Variants in MIEF1 observed in about 807,000 individuals in gnomAD.
MIEF1 encodes the protein mitochondrial dynamics protein MIEF1.
In MIEF1, 14 loss-of-function variants were observed where a neutral mutation model predicts 35.1. The ratio of observed to expected loss-of-function variants is 0.40; its 90% CI spans 0.26 to 0.62. The LOEUF (loss-of-function observed/expected upper bound fraction) is 0.62. Ranked by LOEUF, MIEF1 falls within the 20% of genes least tolerant of loss-of-function variation. The pLI is 0.43. For missense variants in MIEF1, 542 were observed against 615.4 expected (o/e 0.88, Z 1.26); for synonymous variants, 245 against 254.3 (o/e 0.96, Z 0.35).
At position 39,515,077 on chromosome 22, in the gene MIEF1, C is replaced by G; in HGVS notation, c.*754C>G. On this transcript the variant is annotated 3_prime_UTR_variant, in exon 6 of 6. Coordinates refer to ENST00000325301, the MANE Select transcript of MIEF1 (RefSeq NM_019008.6). ...AGAAGTGCAGAGTAGGGAACCAGAG[C>G]TGGTTAAGGGCCTAGTGAAGGGTTT... 1.7e-6 allele frequency: 1 copy of G among 593,634 alleles called. No individual in the cohort carries two copies. The highest frequency in any genetic ancestry group is 4.3e-4 in the Middle Eastern group (1 of 2,316). 36.8% of individuals were successfully genotyped at this position (593,634 alleles called of 1,614,324 possible).
At position 39,513,592 on chromosome 22, in the gene MIEF1, G is replaced by A; in HGVS notation, c.661G>A (p.Glu221Lys). 1.2e-6 allele frequency: 2 copies of A among 1,614,220 alleles called. No individual in the cohort carries two copies. Among genetic ancestry groups the A allele is most frequent in the Non-Finnish European group, 1.7e-6 (2 of 1,180,028 alleles). The part of the protein sequence containing the change: ...EQNLWSCIPG[E>K]DTIMNVPGFF... ...GAACCTGTGGTCATGTATTCCTGGT[G>A]AAGACACCATCATGAATGTCCCTGG... Residue 221 changes from glutamate to lysine, a missense_variant, in exon 6 of 6, where the codon GAA becomes AAA. Transcript: ENST00000325301.
chr22:39,505,777 C>T (rs1929984256), intron 2 of MIEF1, among the ~76,000 whole-genome samples: 1 of 140,838 alleles, frequency 7.1e-6, no homozygotes, highest in Non-Finnish European at 1.5e-5. Context: ...ATTGAGGGAC[C>T]GAGGGGTGGG....
In MIEF1 at chr22:39,513,895, G is replaced by A; in HGVS notation, c.964G>A (p.Val322Ile). The A allele has an allele frequency of 1.2e-6, 2 of 1,614,152 alleles. No homozygotes were observed. The highest frequency in any genetic ancestry group is 1.7e-6 in the Non-Finnish European group (2 of 1,180,044). Residue 322 changes from valine (V) to isoleucine (I), a missense_variant, in exon 6 of 6, where the codon GTC (valine) becomes ATC (isoleucine). Physicochemically the swap from Val to Ile is conservative, Grantham distance 29. Transcript: ENST00000325301. The stretch of plus-strand genomic sequence containing the variant: ...GCCATCAGTGACCCTCGGTGACACA[G>A]TCTTGGTGGCCAAACCACACCGGCT... ...FLPSVTLGDT[V>I]LVAKPHRLAQ...
chr22:39,514,604 T>C lies in MIEF1; in HGVS notation c.*281T>C. 2 of 468,646 alleles carry C rather than the reference T, an allele frequency of 4.3e-6. No homozygotes were observed. The highest frequency in any genetic ancestry group is 7.7e-6 in the Non-Finnish European group (2 of 259,804). The allele number at this position is 468,646 out of a possible 1,614,324, so 29.0% of individuals were successfully genotyped here. ...GAGAAGGTGGCGTGCTGGCCTGAGCTGATGGACCACTTGGTGTTTTGCGTT... is the reference window on the plus strand; with the variant it reads ...GAGAAGGTGGCGTGCTGGCCTGAGCCGATGGACCACTTGGTGTTTTGCGTT... On this transcript the variant is annotated 3_prime_UTR_variant, in exon 6 of 6. Coordinates refer to ENST00000325301, the MANE Select transcript of MIEF1 (RefSeq NM_019008.6).
At chr22:39,502,886 G>T (rs1423024383) in intron 1 of MIEF1, among the ~76,000 whole-genome samples, 1 of 152,240 alleles carries the variant, frequency 6.6e-6, no homozygotes, top group African/African-American at 2.4e-5. Flanking sequence ...AGGGATGGTG[G>T]CTTGCTCAAG....
chr22:39,505,438 C>T (rs561142044), intron 2 of MIEF1, among the ~76,000 whole-genome samples: 25 of 152,262 alleles, frequency 1.6e-4, no homozygotes, highest in African/African-American at 4.8e-4. Flanking sequence ...GCGATCCTCC[C>T]ACCCTTGCCT....
At position 39,511,366 on chromosome 22, in the gene MIEF1, C is replaced by T; in HGVS notation, c.72C>T (p.Leu24=). Residue 24 remains leucine (L), a synonymous_variant, in exon 3 of 6, where the codon CTC becomes CTT. Coordinates refer to ENST00000325301, the MANE Select transcript of MIEF1 (RefSeq NM_019008.6). The part of the protein sequence containing the change: ...NGIGTAIDFV[L]SNARLVLGVG... ...TTGGCACGGCCATTGACTTTGTGCT[C>T]TCCAATGCCCGGCTGGTGCTGGGGG... 5 of 1,612,760 alleles carry T rather than the reference C, an allele frequency of 3.1e-6. No individual in the cohort carries two copies. The South Asian group carries it at 5.5e-5, about 18-fold the overall frequency.
At position 39,513,822 on chromosome 22, in the gene MIEF1, A is replaced by G; in HGVS notation, c.891A>G (p.Thr297=). Residue 297 remains threonine (T), a synonymous_variant, in exon 6 of 6, where the codon ACA becomes ACG. Transcript: ENST00000325301. The part of the protein sequence containing the change: ...IRPAPPPEAL[T]LEVQYERDKH... Reference sequence around the variant, plus strand: ...CGGCCCCACCCCCAGAAGCCCTCACACTGGAGGTGCAGTATGAGCGTGACA... The same window carrying G: ...CGGCCCCACCCCCAGAAGCCCTCACGCTGGAGGTGCAGTATGAGCGTGACA... 6.2e-7 allele frequency: 1 copy of G among 1,613,986 alleles called. No individual in the cohort carries two copies. Among genetic ancestry groups the G allele is most frequent in the Non-Finnish European group, 8.5e-7 (1 of 1,180,000 alleles).
rs1929776187 is a variant in MIEF1, at chr22:39,502,442, G to A, written c.-340+5G>A. ...GGTAGCGCGCACGGCCTGCGGGTGA[G>A]TGAGAGAAGGAATGAGGGCCGCCGG... On this transcript the variant is annotated splice_donor_5th_base_variant and intron_variant, in intron 1 of 5. Coordinates refer to ENST00000325301, the MANE Select transcript of MIEF1 (RefSeq NM_019008.6). The A allele has an allele frequency of 6.6e-6, 1 of 152,320 alleles. No individual in the cohort carries two copies. The highest frequency in any genetic ancestry group is 2.4e-5 in the African/African-American group (1 of 41,470). 9.4% of individuals were successfully genotyped at this position (152,320 alleles called of 1,614,324 possible). A position where few individuals can be genotyped will look rare whatever the true frequency, so the allele number is the denominator to read the frequency against.
intron 1 of MIEF1, chr22:39,503,222 A>G (rs1012688049): frequency 3.9e-5 from 6 of 152,118 alleles, no homozygotes; most frequent in Non-Finnish European, 5.9e-5. Context: ...TCCCCTTGAC[A>G]GCTGTGGGCC....
chr22:39,503,282 G>A lies in MIEF1; in HGVS notation c.-340+845G>A, dbSNP rs545614017. 2.6e-5 allele frequency: 4 copies of A among 152,310 alleles called. No homozygotes were observed. In the East Asian group the frequency reaches 7.7e-4, roughly 29 times the overall value. The allele number at this position is 152,310 out of a possible 1,614,324, so 9.4% of individuals were successfully genotyped here. On this transcript the variant is annotated intron_variant, in intron 1 of 5. Coordinates refer to ENST00000325301, the MANE Select transcript of MIEF1 (RefSeq NM_019008.6). ...GAGATTGTTTCCTCCACTTAAAATGGGGTAATGTTGACCCCTAGGGTAGCT... is the reference window on the plus strand; with the variant it reads ...GAGATTGTTTCCTCCACTTAAAATGAGGTAATGTTGACCCCTAGGGTAGCT...
chr22:39,507,468 A>G (rs998470612), intron 2 of MIEF1, among the ~76,000 whole-genome samples: 2 of 151,592 alleles, frequency 1.3e-5, no homozygotes, highest in Non-Finnish European at 2.9e-5. Flanking sequence ...GATGGTCTCG[A>G]TCTCCTGACC....
chr22:39,511,219 T>G lies in MIEF1; in HGVS notation c.-7-69T>G, dbSNP rs1930312265. On this transcript the variant is annotated intron_variant, in intron 2 of 5. Coordinates refer to ENST00000325301, the MANE Select transcript of MIEF1 (RefSeq NM_019008.6). The stretch of plus-strand genomic sequence containing the variant: ...CAGAGTACCCTGTACTTGTTGGGGT[T>G]TGGCTTGTTAGGGGAGGGAGGTTCT... The G allele has an allele frequency of 1.9e-6, 3 of 1,600,080 alleles. No homozygotes were observed. The South Asian group carries it at 3.4e-5, about 18-fold the overall frequency.
chr22:39,500,896 A>G (rs1232658020), upstream of MIEF1, among the ~76,000 whole-genome samples: 2 of 151,972 alleles, frequency 1.3e-5, no homozygotes, highest in African/African-American at 4.8e-5. Context: ...GGGTTTCACC[A>G]TGTTGGTCAG....
At chr22:39,507,947 A>G (rs1372898697) in intron 2 of MIEF1, among the ~76,000 whole-genome samples, 1 of 152,196 alleles carries the variant, frequency 6.6e-6, no homozygotes, top group Non-Finnish European at 1.5e-5. Context: ...AGCAGTCTCA[A>G]AAGGTGCACT....
In MIEF1 at chr22:39,515,009, A is replaced by G; in HGVS notation, c.*686A>G. 1 of 547,114 alleles carries G rather than the reference A, an allele frequency of 1.8e-6. No individual in the cohort carries two copies. 33.9% of individuals were successfully genotyped at this position (547,114 alleles called of 1,614,324 possible). A position where few individuals can be genotyped will look rare whatever the true frequency, so the allele number is the denominator to read the frequency against. ...TAATGACCCACACAGGATAAGCTGA[A>G]TGCAAAGTTATTTGCAGGTTGAATT... is the stretch of plus-strand genomic sequence containing the variant. On this transcript the variant is annotated 3_prime_UTR_variant, in exon 6 of 6. Coordinates refer to ENST00000325301, the MANE Select transcript of MIEF1 (RefSeq NM_019008.6).
intron 2 of MIEF1, among the ~76,000 whole-genome samples, chr22:39,507,326 A>G (rs1189225777): frequency 6.6e-6 from 1 of 151,524 alleles, no homozygotes; most frequent in Admixed American, 6.6e-5. Context: ...GCTCACTGCA[A>G]CCTCTGCCTC....
In MIEF1 at chr22:39,514,598, C is replaced by G. The variant is rs898372650; in HGVS notation, c.*275C>G. 1.2e-5 allele frequency: 6 copies of G among 488,416 alleles called. No individual in the cohort carries two copies. The South Asian group carries it at 1.3e-4, about 10-fold the overall frequency. 30.3% of individuals were successfully genotyped at this position (488,416 alleles called of 1,614,324 possible). A position where few individuals can be genotyped will look rare whatever the true frequency, so the allele number is the denominator to read the frequency against. ...TGAATTGAGAAGGTGGCGTGCTGGC[C>G]TGAGCTGATGGACCACTTGGTGTTT... On this transcript the variant is annotated 3_prime_UTR_variant, in exon 6 of 6. Coordinates refer to ENST00000325301, the MANE Select transcript of MIEF1 (RefSeq NM_019008.6).
Position 39,515,603 on chromosome 22 carries a change from C to G in MIEF1, c.*1280C>G, listed in dbSNP as rs1034373952. The stretch of plus-strand genomic sequence containing the variant: ...GACAGAGGGGAGGAGGTGGGCATTT[C>G]CTACATTCCTCCTTGTTTGCCGCTG... On this transcript the variant is annotated 3_prime_UTR_variant, in exon 6 of 6. Coordinates refer to ENST00000325301, the MANE Select transcript of MIEF1 (RefSeq NM_019008.6). The G allele has an allele frequency of 1.0e-5, 5 of 501,610 alleles. No homozygotes were observed. The highest frequency in any genetic ancestry group is 1.8e-5 in the Non-Finnish European group (5 of 283,626). 31.1% of individuals were successfully genotyped at this position (501,610 alleles called of 1,614,324 possible).
Sources: gnomAD v4.1 joint callset for allele counts (sites outside exome capture counted in the v4.1 genomes callset) on GRCh38, gnomAD v4.1.1 for gene constraint, MANE v1.5 for transcripts, NCBI Gene and HGNC (gene_info 2026-07-23, HGNC 2026-07-21) for gene names.